USP6NL: variants seen among roughly 807,000 people sequenced by gnomAD.
The protein encoded by USP6NL is USP6 N-terminal like.
In USP6NL, 26 loss-of-function variants were observed where a neutral mutation model predicts 61.9. That is an observed-to-expected ratio of 0.42 (90% CI 0.31 to 0.58). The LOEUF is 0.58. Among genes scored for constraint, USP6NL ranks in the 20% least tolerant of loss-of-function variants. The pLI is 0.16. For missense variants in USP6NL, 1,114 were observed against 1,034.3 expected, an observed-to-expected ratio of 1.08 and a Z score of -1.06; for synonymous variants, 432 against 390.1, an observed-to-expected ratio of 1.11 and a Z score of -1.27.
chr10:11,566,904 G>A (rs1837182277), intron 2 of USP6NL, among the ~76,000 whole-genome samples: 2 of 152,320 alleles, frequency 1.3e-5, no homozygotes, highest in South Asian at 4.1e-4. Context: ...TTGAGCTCAG[G>A]CATTTGAGAC....
At position 11,499,940 on chromosome 10, in the gene USP6NL, C is replaced by A. The variant is rs1435068875; in HGVS notation, c.384+1161G>T. 6.6e-6 allele frequency among the ~76,000 whole-genome samples: 1 copy of A among 152,162 alleles called. No homozygotes were observed. The highest frequency in any genetic ancestry group is 1.9e-4 in the East Asian group (1 of 5,204). On this transcript the variant is annotated intron_variant, in intron 7 of 14. Transcript: ENST00000609104. The surrounding 1 kb of genome is among the most constrained non-coding windows in gnomAD (Gnocchi z 4.5). ...TAAACAAATACTAACAGAGCACCTA[C>A]CATATGCTAGGCACACTGTACTAGG...
Position 11,510,553 on chromosome 10 carries a change from G to A in USP6NL, c.196-878C>T, listed in dbSNP as rs1834660341. Among the ~76,000 whole-genome samples, 1 of 152,166 alleles carries A rather than the reference G, an allele frequency of 6.6e-6. No homozygotes were observed. Among genetic ancestry groups the A allele is most frequent in the Non-Finnish European group, 1.5e-5 (1 of 68,016 alleles). ...AATTCAGGGGCAAGGCTGCGGAATG[G>A]GGAAAGTGAGACGGAAAATGCTCGC... is the stretch of plus-strand genomic sequence containing the variant. On this transcript the variant is annotated intron_variant, in intron 5 of 14. Coordinates refer to ENST00000609104, the MANE Select transcript of USP6NL (RefSeq NM_014688.5). This position sits in a 1 kb window ranked among gnomAD's most constrained non-coding sequence, Gnocchi z 4.8.
Position 11,510,071 on chromosome 10 carries a change from CGA to C in USP6NL, c.196-398_196-397del, listed in dbSNP as rs1048019654. On this transcript the variant is annotated intron_variant, in intron 5 of 14. Coordinates refer to ENST00000609104, the MANE Select transcript of USP6NL (RefSeq NM_014688.5). The surrounding 1 kb of genome is among the most constrained non-coding windows in gnomAD (Gnocchi z 4.8). ...AATTCTAGTATATTGTTGTTTTTAG[CGA>C]GAGTTTTTTAAAGGAAAAGTGGCTG... 6.6e-6 allele frequency among the ~76,000 whole-genome samples: 1 copy of C among 151,822 alleles called. No individual in the cohort carries two copies. Among genetic ancestry groups the C allele is most frequent in the East Asian group, 1.9e-4 (1 of 5,182 alleles).
At chr10:11,555,449 T>G (rs182309998) in intron 2 of USP6NL, among the ~76,000 whole-genome samples, 1,644 of 72,834 alleles carry the variant, frequency 0.023, 79 homozygotes, top group African/African-American at 0.075. Flanking sequence ...TATATATATA[T>G]ATAGAGAGAG....
intron 2 of USP6NL, among the ~76,000 whole-genome samples, chr10:11,554,610 A>C (rs2133501117): frequency 6.6e-6 from 1 of 152,256 alleles, no homozygotes; most frequent in Admixed American, 6.5e-5. Flanking sequence ...CAGCTCAAAC[A>C]TGATTGGACT....
intron 2 of USP6NL, among the ~76,000 whole-genome samples, chr10:11,558,224 C>T (rs1249990528): frequency 6.6e-6 from 1 of 152,198 alleles, no homozygotes; most frequent in Admixed American, 6.5e-5. Context: ...TGTCCCCCAA[C>T]TAAATGCCAC....
chr10:11,528,769 T>C lies in USP6NL; in HGVS notation c.5-1202A>G, dbSNP rs530830373. Among the ~76,000 whole-genome samples, 5 of 152,194 alleles carry C rather than the reference T, an allele frequency of 3.3e-5. No individual in the cohort carries two copies. The highest frequency in any genetic ancestry group is 6.5e-5 in the Admixed American group (1 of 15,272). On this transcript the variant is annotated intron_variant, in intron 2 of 14. Transcript: ENST00000609104. The surrounding 1 kb of genome is among the most constrained non-coding windows in gnomAD (Gnocchi z 4.6). ...ACTAAAATAGCAACTATAGGGATTC[T>C]TGAAATCCCCTCCTCAAAGCAAATG... is the stretch of plus-strand genomic sequence containing the variant.
At position 11,602,887 on chromosome 10, in the gene USP6NL, C is replaced by A. The variant is rs949153046; in HGVS notation, c.-83-5170G>T. ...TTCAGTTAATATTAAAGTCATTATT[C>A]ACTAACAGAGAAAGTCTCAACACTG... is the stretch of plus-strand genomic sequence containing the variant. On this transcript the variant is annotated intron_variant, in intron 1 of 14. Transcript: ENST00000609104. The surrounding 1 kb of genome is among the most constrained non-coding windows in gnomAD (Gnocchi z 4.8). Among the ~76,000 whole-genome samples the A allele has an allele frequency of 3.9e-5, 6 of 152,166 alleles. No homozygotes were observed. The highest frequency in any genetic ancestry group is 8.8e-5 in the Non-Finnish European group (6 of 68,024).
chr10:11,562,357 T>G lies in USP6NL; in HGVS notation c.5-34790A>C, dbSNP rs1591930863. 1 of 983,292 alleles carries G rather than the reference T, an allele frequency of 1.0e-6. No individual in the cohort carries two copies. The highest frequency in any genetic ancestry group is 1.7e-5 in the African/African-American group (1 of 57,324). The allele number at this position is 983,292 out of a possible 1,614,324, so 60.9% of individuals were successfully genotyped here. On this transcript the variant is annotated intron_variant, in intron 2 of 14. Coordinates refer to ENST00000609104, the MANE Select transcript of USP6NL (RefSeq NM_014688.5). This position sits in a 1 kb window ranked among gnomAD's most constrained non-coding sequence, Gnocchi z 4.8. ...GGCTGATGGCTTAAGGAAAAGCTTT[T>G]GCATTCCTTACACAGGTGACACCAA...
At position 11,513,039 on chromosome 10, in the gene USP6NL, G is replaced by C. The variant is rs1419988645; in HGVS notation, c.196-3364C>G. Among the ~76,000 whole-genome samples the C allele has an allele frequency of 2.0e-5, 3 of 152,194 alleles. No homozygotes were observed. ...TAAATGCCCAAATTGTATTATCAAA[G>C]TATGAACTCCTTGACTACAGAGACT... On this transcript the variant is annotated intron_variant, in intron 5 of 14. Transcript: ENST00000609104. The surrounding 1 kb of genome is among the most constrained non-coding windows in gnomAD (Gnocchi z 4.7).
chr10:11,547,904 G>A (rs1022956042), intron 2 of USP6NL, among the ~76,000 whole-genome samples: 1 of 151,770 alleles, frequency 6.6e-6, no homozygotes, highest in Non-Finnish European at 1.5e-5. Context: ...AGGACAAAAC[G>A]GACTGGATTT....
intron 14 of USP6NL, among the ~76,000 whole-genome samples, chr10:11,466,503 T>C (rs929970775): frequency 1.3e-5 from 2 of 152,190 alleles, no homozygotes; most frequent in East Asian, 3.8e-4. Context: ...TTCTCATCCA[T>C]AAATGAAAAC....
chr10:11,570,555 A>G (rs934576968), intron 2 of USP6NL, among the ~76,000 whole-genome samples: 7 of 152,230 alleles, frequency 4.6e-5, no homozygotes, highest in Non-Finnish European at 8.8e-5. Context: ...TGCAAAATGA[A>G]TTTGAATTAA....
At chr10:11,519,691 T>C (rs1835123953) in intron 4 of USP6NL, among the ~76,000 whole-genome samples, 1 of 152,180 alleles carries the variant, frequency 6.6e-6, no homozygotes. Context: ...TTTCAAGAGA[T>C]TATTTTTTAA....
intron 7 of USP6NL, among the ~76,000 whole-genome samples, chr10:11,494,683 C>A (rs1055628456): frequency 3.3e-5 from 5 of 152,098 alleles, no homozygotes; most frequent in Non-Finnish European, 5.9e-5. Flanking sequence ...ATGTGGGTCA[C>A]GTGTCAACTG....
chr10:11,579,553 C>T (rs1181971864), intron 2 of USP6NL, among the ~76,000 whole-genome samples: 1 of 152,122 alleles, frequency 6.6e-6, no homozygotes, highest in African/African-American at 2.4e-5. Flanking sequence ...CAGGAACTTC[C>T]CCATTTTCTC....
At chr10:11,508,046 T>C (rs1834536564) in intron 6 of USP6NL, among the ~76,000 whole-genome samples, 1 of 152,150 alleles carries the variant, frequency 6.6e-6, no homozygotes, top group African/African-American at 2.4e-5. Context: ...TGACATAAGA[T>C]AATCTGTATC....
In USP6NL at chr10:11,463,340, C is replaced by G; in HGVS notation, c.1588G>C (p.Val530Leu). The change falls in exon 15 of 15, where the codon GTG (valine) becomes CTG (leucine). Residue 530 changes from valine to leucine, a missense_variant. Coordinates refer to ENST00000609104, the MANE Select transcript of USP6NL (RefSeq NM_014688.5). This position sits in a 1 kb window ranked among gnomAD's most constrained non-coding sequence, Gnocchi z 6.3. ...TCCAGGGCCTTCATCTTTGGCCGCA[C>G]GTTTGACACCCGCACCTCGGCAGGA... is the stretch of plus-strand genomic sequence containing the variant. ...PGPAEVRVSN[V>L]RPKMKALDAE... The G allele has an allele frequency of 2.5e-6, 4 of 1,613,930 alleles. No homozygotes were observed. The South Asian group carries it at 3.3e-5, about 13-fold the overall frequency.
At chr10:11,563,803 G>A (rs1488850569) in intron 2 of USP6NL, 1 of 151,934 alleles carries the variant, frequency 6.6e-6, no homozygotes, top group Non-Finnish European at 1.5e-5. Context: ...AAGTGCAAGA[G>A]AGCCAGGGTC....
Sources: gnomAD v4.1 joint callset for allele counts (sites outside exome capture counted in the v4.1 genomes callset) on GRCh38, gnomAD v4.1.1 for gene constraint, Gnocchi (gnomAD v3.1) non-coding constraint, MANE v1.5 for transcripts, NCBI Gene and HGNC (gene_info 2026-07-23, HGNC 2026-07-21) for gene names.